Variants in GMPS observed in about 807,000 individuals in gnomAD.
The protein encoded by GMPS is GMP synthase [glutamine-hydrolyzing].
In GMPS, 15 loss-of-function variants were observed where a neutral mutation model predicts 77.9. The observed-to-expected ratio is 0.19, with a 90% confidence interval of 0.13 to 0.30. The LOEUF (loss-of-function observed/expected upper bound fraction) is 0.30, where lower values mean the gene tolerates loss of function less well. GMPS is among the 10% of genes least tolerant of loss of function. The pLI is 1.00. For synonymous variants in GMPS, 224 were observed against 275.9 expected, an observed-to-expected ratio of 0.81 and a Z score of 1.86; for missense variants, 590 against 838.8, an observed-to-expected ratio of 0.70 and a Z score of 3.66.
rs150475257 is a variant in GMPS at position 155,903,634 on chromosome 3, C to T, written c.325-229C>T. On this transcript the variant is annotated intron_variant, in intron 3 of 15. Transcript: ENST00000496455. ...TCTGCCAGTGTTTGACAGAAATTAA[C>T]TGCAGGTCAAATTTTGAATCCAATT... is the stretch of plus-strand genomic sequence containing the variant. Among the ~76,000 whole-genome samples the T allele has an allele frequency of 6.5e-3, 985 of 152,286 alleles. 15 individuals carry two copies. The highest frequency in any genetic ancestry group is 0.023 in the African/African-American group (954 of 41,560).
At chr3:155,899,888 C>T (rs1754692659) in intron 3 of GMPS, among the ~76,000 whole-genome samples, 1 of 152,104 alleles carries the variant, frequency 6.6e-6, no homozygotes, top group Non-Finnish European at 1.5e-5. Context: ...TAGTAATGTG[C>T]ATTTAAAGTT....
intron 3 of GMPS, among the ~76,000 whole-genome samples, chr3:155,903,457 C>A (rs1754781107): frequency 6.6e-6 from 1 of 152,182 alleles, no homozygotes; most frequent in Non-Finnish European, 1.5e-5. Context: ...TTGTCTAATT[C>A]TTGTTCTGGT....
At chr3:155,922,347 C>A in intron 11 of GMPS, 45 bp downstream of exon 11, 1 of 737,580 alleles carries the variant, frequency 1.4e-6, no homozygotes, top group Non-Finnish European at 2.2e-6. Context: ...TGAACGGATT[C>A]TTATTATATA....
At chr3:155,901,874 C>T (rs1344861745) in intron 3 of GMPS, among the ~76,000 whole-genome samples, 1 of 152,086 alleles carries the variant, frequency 6.6e-6, no homozygotes. Flanking sequence ...ATATATATTG[C>T]AGATACCTTC....
At position 155,873,638 on chromosome 3, in the gene GMPS, C is replaced by CTTTTTTTTTTTTTTTTTTTTTTT. The variant is rs58365650; in HGVS notation, c.27+2755_27+2756insTTTTTTTTTTTTTTTTTTTTTTT. ...TGTCGTTAGGTTACATGAGTAAGTT[C>CTTTTTTTTTTTTTTTTTTTTTTT]TTTTTTTTTTTTTTGAGATGGAGTC... On this transcript the variant is annotated intron_variant, in intron 1 of 15. Transcript: ENST00000496455. Among the ~76,000 whole-genome samples, 5 of 82,552 alleles carry CTTTTTTTTTTTTTTTTTTTTTTT rather than the reference C, an allele frequency of 6.1e-5. 2 individuals carry two copies. Among genetic ancestry groups the CTTTTTTTTTTTTTTTTTTTTTTT allele is most frequent in the Admixed American group, 3.7e-4 (2 of 5,418 alleles). The allele number at this position is 82,552 out of a possible 152,430, so 54.2% of individuals were successfully genotyped here.
rs569186105 is a variant in GMPS at position 155,921,632 on chromosome 3, T to C, written c.1319-555T>C. 1.4e-3 allele frequency among the ~76,000 whole-genome samples: 206 copies of C among 152,154 alleles called. 1 individual carries two copies. The highest frequency in any genetic ancestry group is 5.0e-3 in the African/African-American group (206 of 41,534). On this transcript the variant is annotated intron_variant, in intron 10 of 15. Transcript: ENST00000496455. The stretch of plus-strand genomic sequence containing the variant: ...AACAGCATAGTGAAACCCCTATCTT[T>C]ACTGAAAAAATTAGCCAGGCATGGC...
At position 155,911,554 on chromosome 3, in the gene GMPS, T is replaced by C. The variant is rs1165228384; in HGVS notation, c.886+275T>C. On this transcript the variant is annotated intron_variant, in intron 7 of 15. Transcript: ENST00000496455. ...ATTCACTTTTAAAATTATCTTTTCCTGGCCAGGCGCGGTGGCTCACGCCTA... is the reference window on the plus strand; with the variant it reads ...ATTCACTTTTAAAATTATCTTTTCCCGGCCAGGCGCGGTGGCTCACGCCTA... 2.0e-5 allele frequency among the ~76,000 whole-genome samples: 3 copies of C among 152,118 alleles called. No individual in the cohort carries two copies. The East Asian group carries it at 5.8e-4, about 29-fold the overall frequency.
At chr3:155,872,326 C>G (rs530575535) in intron 1 of GMPS, among the ~76,000 whole-genome samples, 36 of 152,294 alleles carry the variant, frequency 2.4e-4, no homozygotes, top group African/African-American at 8.7e-4. Context: ...GTCCAGGGAG[C>G]TGTTAAGACA....
chr3:155,926,109 T>C (rs1755447687), intron 12 of GMPS, among the ~76,000 whole-genome samples: 1 of 152,110 alleles, frequency 6.6e-6, no homozygotes, highest in Admixed American at 6.6e-5. Flanking sequence ...ATTCCTGGGT[T>C]CAAGCGACCC....
At chr3:155,896,362 C>A (rs1754603582) in intron 2 of GMPS, among the ~76,000 whole-genome samples, 1 of 152,046 alleles carries the variant, frequency 6.6e-6, no homozygotes, top group Non-Finnish European at 1.5e-5. Context: ...TAGGGGTAAC[C>A]CCATCCCCCT....
intron 13 of GMPS, among the ~76,000 whole-genome samples, chr3:155,932,314 A>ACACC (rs1491435889): frequency 3.4e-5 from 5 of 146,456 alleles, no homozygotes; most frequent in East Asian, 2.0e-4. Context: ...ACACACACAC[A>ACACC]CCCCTACAAA....
At chr3:155,891,486 C>T (rs554443676) in intron 1 of GMPS, among the ~76,000 whole-genome samples, 17 of 152,134 alleles carry the variant, frequency 1.1e-4, no homozygotes, top group East Asian at 3.9e-4. Context: ...CACTTTTCTA[C>T]GGTATTGAAT....
At chr3:155,935,769 G>A (rs1011914562) in intron 14 of GMPS, among the ~76,000 whole-genome samples, 2 of 152,080 alleles carry the variant, frequency 1.3e-5, no homozygotes, top group Non-Finnish European at 2.9e-5. Context: ...GTGCTGTCTG[G>A]GTTCCTAAGC....
rs777430759 is a variant in GMPS, at chr3:155,911,185, A to T, written c.792A>T (p.Gln264His). The T allele has an allele frequency of 3.7e-6, 6 of 1,612,848 alleles. No individual in the cohort carries two copies. Among genetic ancestry groups the T allele is most frequent in the Non-Finnish European group, 5.1e-6 (6 of 1,178,866 alleles). ...ALLNRALNQE[Q>H]VIAVHIDNGF... ...TAAATCGTGCTTTGAACCAAGAACA[A>T]GTCATTGCTGTGCACATTGATAATG... is the stretch of plus-strand genomic sequence containing the variant. Residue 264 changes from glutamine (Q) to histidine (H), a missense_variant, in exon 7 of 16, where the codon CAA becomes CAT. Gln to His is a conservative substitution (Grantham distance 24). Around this residue, in one of 6 missense-constraint regions of GMPS, gnomAD observed 181 missense variants for 186.8 expected, o/e 0.97. Coordinates refer to ENST00000496455, the MANE Select transcript of GMPS (RefSeq NM_003875.3).
At chr3:155,913,952 T>C (rs1755102637) in intron 7 of GMPS, among the ~76,000 whole-genome samples, 1 of 152,018 alleles carries the variant, frequency 6.6e-6, no homozygotes, top group Non-Finnish European at 1.5e-5. Context: ...TTTCTTTTCT[T>C]ATTTTTTTTT....
chr3:155,897,320 G>T (rs1234303437), intron 2 of GMPS, among the ~76,000 whole-genome samples: 1 of 152,166 alleles, frequency 6.6e-6, no homozygotes, highest in Non-Finnish European at 1.5e-5. Context: ...TTATAAGATA[G>T]CTAAATTATA....
chr3:155,887,800 G>A (rs569131230), intron 1 of GMPS, among the ~76,000 whole-genome samples: 1 of 152,208 alleles, frequency 6.6e-6, no homozygotes, highest in Non-Finnish European at 1.5e-5. Flanking sequence ...CGTTCAGGTG[G>A]AAAAAGTGTA....
intron 2 of GMPS, chr3:155,895,673 C>T (rs1221115943): frequency 1.3e-5 from 2 of 152,086 alleles, no homozygotes; most frequent in Admixed American, 6.6e-5. Context: ...TGAATTACGG[C>T]TTATTGGGCC....
At chr3:155,887,297 A>T (rs897937076) in intron 1 of GMPS, among the ~76,000 whole-genome samples, 8 of 152,202 alleles carry the variant, frequency 5.3e-5, no homozygotes, top group Admixed American at 3.3e-4. Context: ...CTTTCTTTTA[A>T]GCACACTGGC....
Sources: allele counts gnomAD v4.1 joint callset (sites outside exome capture counted in the v4.1 genomes callset), GRCh38; gene constraint gnomAD v4.1.1; regional missense constraint gnomAD v4.1.1; transcripts MANE v1.5; gene names NCBI Gene and HGNC (gene_info 2026-07-23, HGNC 2026-07-21).